The following TRIM36 variants were observed in gnomAD, a reference collection of about 807,000 sequenced individuals.
TRIM36 encodes the protein E3 ubiquitin-protein ligase TRIM36.
In TRIM36, 42 loss-of-function variants were observed where a neutral mutation model predicts 72.4. That is an observed-to-expected ratio of 0.58 (90% CI 0.45 to 0.75). The LOEUF (loss-of-function observed/expected upper bound fraction) is 0.75, where lower values mean the gene tolerates loss of function less well. Ranked by LOEUF, TRIM36 falls within the 30% of genes least tolerant of loss-of-function variation. The pLI is 0.00. For missense variants in TRIM36, 913 were observed against 857.1 expected (o/e 1.07, Z -0.81); for synonymous variants, 315 against 282.8 (o/e 1.11, Z -1.14).
intron 2 of TRIM36, among the ~76,000 whole-genome samples, chr5:115,157,756 A>G (rs1260178599): frequency 6.6e-6 from 1 of 152,184 alleles, no homozygotes; most frequent in Non-Finnish European, 1.5e-5. Context: ...ACTGTGGTAT[A>G]TATACACGAC....
rs771730584 is a variant in TRIM36 at position 115,126,790 on chromosome 5, T to A, written c.1864A>T (p.Thr622Ser). Residue 622 changes from threonine (T) to serine (S), a missense_variant, in exon 10 of 10, where the codon ACC becomes TCC. Physicochemically the swap from Thr to Ser is moderately conservative, Grantham distance 58 (BLOSUM62 1). Transcript: ENST00000513154. The stretch of plus-strand genomic sequence containing the variant: ...TTCTGCATGCCTATAGTAACTAAGG[T>A]AAATGGTTGTGAAGAATCAAAACAG... Reference protein sequence around the residue: ...DACFDSSQPFTLVTIGMQKFF... With the variant: ...DACFDSSQPFSLVTIGMQKFF... 6.2e-7 allele frequency: 1 copy of A among 1,614,140 alleles called. No homozygotes were observed. The highest frequency in any genetic ancestry group is 8.5e-7 in the Non-Finnish European group (1 of 1,180,024).
chr5:115,155,888 T>C (rs974079904), intron 2 of TRIM36, among the ~76,000 whole-genome samples: 1 of 152,140 alleles, frequency 6.6e-6, no homozygotes, highest in African/African-American at 2.4e-5. Flanking sequence ...ATGACATGAT[T>C]TTTTACCTCG....
intron 7 of TRIM36, among the ~76,000 whole-genome samples, chr5:115,136,372 T>C (rs1752965440): frequency 6.6e-6 from 1 of 151,792 alleles, no homozygotes; most frequent in Non-Finnish European, 1.5e-5. Context: ...AGAAGAGAGG[T>C]TCAGAAGAAA....
intron 1 of TRIM36, among the ~76,000 whole-genome samples, chr5:115,167,857 T>C (rs1413229783): frequency 6.6e-6 from 1 of 152,212 alleles, no homozygotes; most frequent in Non-Finnish European, 1.5e-5. Flanking sequence ...TATAAAGAAA[T>C]ACCCAAGAGT....
chr5:115,128,913 C>G (rs1008682689), intron 9 of TRIM36, among the ~76,000 whole-genome samples: 1 of 151,980 alleles, frequency 6.6e-6, no homozygotes, highest in African/African-American at 2.4e-5. Flanking sequence ...CCTAGGCCTT[C>G]AAATTCACTC....
chr5:115,178,021 AT>A, intron 1 of TRIM36: 1 of 798,364 alleles, frequency 1.3e-6, no homozygotes, highest in Non-Finnish European at 2.0e-6. Flanking sequence ...ACCTGACTTG[AT>A]TATAAGGAGT....
At chr5:115,131,075 C>T (rs1169078344) in intron 8 of TRIM36, among the ~76,000 whole-genome samples, 186 bp from the exon 9 acceptor site, 1 of 152,060 alleles carries the variant, frequency 6.6e-6, no homozygotes, top group Non-Finnish European at 1.5e-5. Context: ...AGTATATTGT[C>T]TACCTAAAAA....
At chr5:115,141,711 G>A (rs1490019818) in intron 4 of TRIM36, among the ~76,000 whole-genome samples, 1 of 152,090 alleles carries the variant, frequency 6.6e-6, no homozygotes, top group Non-Finnish European at 1.5e-5. Flanking sequence ...TAAGTAAATG[G>A]AAGAACAGCA....
intron 9 of TRIM36, among the ~76,000 whole-genome samples, chr5:115,129,236 A>C (rs1336716419): frequency 6.6e-6 from 1 of 152,218 alleles, no homozygotes; most frequent in Non-Finnish European, 1.5e-5. Context: ...TTCTCAGAAC[A>C]TATTCCTGTT....
At chr5:115,176,782 A>C (rs941371690) in intron 1 of TRIM36, among the ~76,000 whole-genome samples, 7 of 138,998 alleles carry the variant, frequency 5.0e-5, no homozygotes, top group Non-Finnish European at 8.1e-5. Context: ...AGATTTGGAA[A>C]CCTCTCTTTT....
chr5:115,163,241 G>C (rs531822712), intron 2 of TRIM36, among the ~76,000 whole-genome samples: 1 of 152,288 alleles, frequency 6.6e-6, no homozygotes, highest in South Asian at 2.1e-4. Context: ...ACAGGTGTGA[G>C]CCACTGTGCC....
chr5:115,157,826 G>C lies in TRIM36; in HGVS notation c.262+5692C>G, dbSNP rs147490960. ...ATGGCATTCACAGTGACCTCGATGA[G>C]ACTGGAGACTATTATTCTTAGTGAA... is the stretch of plus-strand genomic sequence containing the variant. On this transcript the variant is annotated intron_variant, in intron 2 of 9. Transcript: ENST00000513154. 6.6e-4 allele frequency among the ~76,000 whole-genome samples: 101 copies of C among 152,274 alleles called. 1 individual carries two copies. The East Asian group carries it at 0.014, about 21-fold the overall frequency.
intron 7 of TRIM36, among the ~76,000 whole-genome samples, chr5:115,135,147 CAA>C (rs1238495337): frequency 1.3e-5 from 2 of 152,084 alleles, no homozygotes; most frequent in African/African-American, 4.8e-5. Flanking sequence ...TATTCATATG[CAA>C]AGTCCTTTCT....
chr5:115,148,369 T>C (rs1753703667), intron 2 of TRIM36: 1 of 984,092 alleles, frequency 1.0e-6, no homozygotes, highest in South Asian at 4.7e-5. Context: ...GTTGTCCATT[T>C]ACGACAGGTG....
At chr5:115,156,326 A>T (rs1406729525) in intron 2 of TRIM36, among the ~76,000 whole-genome samples, 1 of 152,152 alleles carries the variant, frequency 6.6e-6, no homozygotes, top group East Asian at 1.9e-4. Flanking sequence ...TAAAATTCAT[A>T]TGGAACCAAA....
chr5:115,131,380 C>A (rs1752668210), intron 8 of TRIM36, among the ~76,000 whole-genome samples: 1 of 151,952 alleles, frequency 6.6e-6, no homozygotes, highest in Non-Finnish European at 1.5e-5. Flanking sequence ...TGTAAAAAAA[C>A]AAAAACAAAA....
chr5:115,127,423 T>C (rs1752416014), intron 9 of TRIM36, among the ~76,000 whole-genome samples: 1 of 152,178 alleles, frequency 6.6e-6, no homozygotes, highest in Non-Finnish European at 1.5e-5. Flanking sequence ...TAGCCAGGCA[T>C]GGTGGTGTAC....
At chr5:115,170,811 C>CA (rs1755076716), upstream of TRIM36, among the ~76,000 whole-genome samples, 1 of 152,242 alleles carries the variant, frequency 6.6e-6, no homozygotes, top group African/African-American at 2.4e-5. Flanking sequence ...AGGGCCAGGA[C>CA]AGAGGGTCCT....
At chr5:115,164,490 G>A (rs759935609) in intron 1 of TRIM36, among the ~76,000 whole-genome samples, 83 of 152,198 alleles carry the variant, frequency 5.5e-4, no homozygotes, top group Non-Finnish European at 1.2e-4. Context: ...GGCAGAAGGG[G>A]AAGCAGATCT....
Sources: allele counts gnomAD v4.1 joint callset (sites outside exome capture counted in the v4.1 genomes callset), GRCh38; gene constraint gnomAD v4.1.1; transcripts MANE v1.5; gene names NCBI Gene and HGNC (gene_info 2026-07-23, HGNC 2026-07-21).